Variants in PPP4R3B observed in about 807,000 individuals in gnomAD.
PPP4R3B encodes the protein protein phosphatase 4 regulatory subunit 3B.
PPP4R3B carries 52 observed loss-of-function variants against 95.4 expected under a neutral mutation model. The observed-to-expected ratio is 0.54, with a 90% CI of 0.44 to 0.69. PPP4R3B has a LOEUF of 0.69. Among genes scored for constraint, PPP4R3B ranks in the 30% least tolerant of loss-of-function variants. The pLI, the probability that PPP4R3B is intolerant of heterozygous loss-of-function variation, is 0.00. For synonymous variants in PPP4R3B, 407 were observed against 343.9 expected (o/e 1.18, Z -2.03); for missense variants, 1,003 against 1,005.9 (o/e 1.00, Z 0.04).
intron 2 of PPP4R3B, among the ~76,000 whole-genome samples, chr2:55,609,457 G>C (rs1217570487): frequency 6.6e-6 from 1 of 152,056 alleles, no homozygotes; most frequent in African/African-American, 2.4e-5. Context: ...CAAGATAGGT[G>C]GGCTGCTTGA....
chr2:55,573,885 CCTTTTT>C, intron 11 of PPP4R3B, 108 bp from the exon 12 acceptor site: 1 of 479,472 alleles, frequency 2.1e-6, no homozygotes, highest in East Asian at 4.8e-5. Context: ...TGTATTTCCT[CCTTTTT>C]TTTTTTTTTT....
chr2:55,608,466 C>A (rs1693716940), intron 2 of PPP4R3B, among the ~76,000 whole-genome samples: 1 of 152,244 alleles, frequency 6.6e-6, no homozygotes, highest in Non-Finnish European at 1.5e-5. Flanking sequence ...ACTGATCCAT[C>A]ACATGCCCTG....
chr2:55,598,348 C>A (rs1417097000), intron 4 of PPP4R3B, 68 bp downstream of exon 4: 1 of 1,489,302 alleles, frequency 6.7e-7, no homozygotes, highest in Non-Finnish European at 9.1e-7. Flanking sequence ...GGTATAAACA[C>A]CTGCTTGAAC....
At chr2:55,554,118 G>A (rs1685558445) in intron 16 of PPP4R3B, among the ~76,000 whole-genome samples, 1 of 152,188 alleles carries the variant, frequency 6.6e-6, no homozygotes, top group African/African-American at 2.4e-5. Flanking sequence ...ACTCGAAAGT[G>A]CAGTGATGTG....
intron 16 of PPP4R3B, among the ~76,000 whole-genome samples, chr2:55,554,797 A>G (rs1443842889): frequency 1.3e-5 from 2 of 152,338 alleles, no homozygotes; most frequent in African/African-American, 2.4e-5. Flanking sequence ...TATTTGTGTC[A>G]TATCTAAGAA....
At chr2:55,550,592 A>G (rs973536148) in intron 16 of PPP4R3B, among the ~76,000 whole-genome samples, 2 of 152,206 alleles carry the variant, frequency 1.3e-5, no homozygotes, top group Admixed American at 6.5e-5. Flanking sequence ...GATGAGTAAC[A>G]GACCTCTGTG....
intron 4 of PPP4R3B, among the ~76,000 whole-genome samples, chr2:55,598,176 C>A (rs7589537): frequency 6.6e-6 from 1 of 152,068 alleles, no homozygotes; most frequent in Non-Finnish European, 1.5e-5. Flanking sequence ...GCTGAGATTG[C>A]GCCACTGCAT....
At chr2:55,586,801 C>T in intron 5 of PPP4R3B, 67 bp from the exon 6 acceptor site, 1 of 920,346 alleles carries the variant, frequency 1.1e-6, no homozygotes, top group Non-Finnish European at 1.7e-6. Flanking sequence ...TAGTAATCAT[C>T]TACCATGGTG....
intron 16 of PPP4R3B, among the ~76,000 whole-genome samples, chr2:55,550,883 AAC>A (rs1296358468): frequency 6.6e-6 from 1 of 152,176 alleles, no homozygotes; most frequent in Non-Finnish European, 1.5e-5. Context: ...GGCAGCTAGA[AAC>A]AGTTATCAGA....
intron 4 of PPP4R3B, among the ~76,000 whole-genome samples, chr2:55,595,623 C>T (rs1574853150): frequency 6.6e-6 from 1 of 151,500 alleles, no homozygotes; most frequent in African/African-American, 2.4e-5. Flanking sequence ...AAAAGAGTAG[C>T]CCCTTTTACA....
At chr2:55,568,557 G>A (rs1363948618) in intron 12 of PPP4R3B, among the ~76,000 whole-genome samples, 194 bp from the exon 13 acceptor site, 1 of 152,140 alleles carries the variant, frequency 6.6e-6, no homozygotes, top group African/African-American at 2.4e-5. Flanking sequence ...GGAAAATAGA[G>A]CTGCAGAGGA....
In PPP4R3B at chr2:55,549,441, T is replaced by C. The variant is rs1296165069; in HGVS notation, c.*470A>G. ...TCATTTTTTTAATGATAGTTGAATG[T>C]GTTTTCCATAAAAATTTCTTTTAAA... On this transcript the variant is annotated 3_prime_UTR_variant, in exon 17 of 17. Transcript: ENST00000616407. 1.3e-5 allele frequency: 2 copies of C among 153,350 alleles called. No individual in the cohort carries two copies. The highest frequency in any genetic ancestry group is 3.8e-4 in the East Asian group (2 of 5,214). 9.5% of individuals were successfully genotyped at this position (153,350 alleles called of 1,614,324 possible).
intron 4 of PPP4R3B, among the ~76,000 whole-genome samples, 189 bp downstream of exon 4, chr2:55,598,223 AAAAT>A (rs928408676): frequency 9.8e-5 from 15 of 152,324 alleles, no homozygotes; most frequent in African/African-American, 3.6e-4. Flanking sequence ...CCGACTCAAA[AAAAT>A]AAATAAAAGG....
At chr2:55,600,640 A>C (rs892241108) in intron 3 of PPP4R3B, among the ~76,000 whole-genome samples, 1 of 152,094 alleles carries the variant, frequency 6.6e-6, no homozygotes, top group Non-Finnish European at 1.5e-5. Flanking sequence ...ACATGCACAG[A>C]TTTTAAGAAG....
At chr2:55,559,543 G>A (rs1220879731) in intron 15 of PPP4R3B, among the ~76,000 whole-genome samples, 1 of 152,052 alleles carries the variant, frequency 6.6e-6, no homozygotes, top group Non-Finnish European at 1.5e-5. Context: ...CATGGGGGTG[G>A]ATTTCGCCCT....
rs1038056940 is a variant in PPP4R3B at position 55,549,216 on chromosome 2, C to T, written c.*695G>A. The T allele has an allele frequency of 1.3e-5, 2 of 152,376 alleles. No homozygotes were observed. Among genetic ancestry groups the T allele is most frequent in the Admixed American group, 6.5e-5 (1 of 15,280 alleles). 9.4% of individuals were successfully genotyped at this position (152,376 alleles called of 1,614,324 possible). ...TACTACTGTACTGATTCTTGGCCTT[C>T]GTTGTCTCTAAAAGTGCTGATTTTA... On this transcript the variant is annotated 3_prime_UTR_variant, in exon 17 of 17. Coordinates refer to ENST00000616407, the MANE Select transcript of PPP4R3B (RefSeq NM_001122964.3).
intron 2 of PPP4R3B, among the ~76,000 whole-genome samples, chr2:55,607,498 T>A (rs1291642310): frequency 1.3e-5 from 2 of 152,118 alleles, no homozygotes; most frequent in African/African-American, 4.8e-5. Flanking sequence ...TTTATTATAA[T>A]ATAAAGGATA....
intron 3 of PPP4R3B, among the ~76,000 whole-genome samples, chr2:55,602,267 C>T (rs1317831525): frequency 6.6e-6 from 1 of 152,154 alleles, no homozygotes; most frequent in Non-Finnish European, 1.5e-5. Flanking sequence ...TGATATAAAT[C>T]CTACGCTAAA....
intron 3 of PPP4R3B, among the ~76,000 whole-genome samples, chr2:55,600,892 C>T (rs1047722648): frequency 6.6e-6 from 1 of 152,158 alleles, no homozygotes; most frequent in South Asian, 2.1e-4. Context: ...GGCGCTGTGG[C>T]TCATGCCTGT....
Sources: gnomAD v4.1 joint callset for allele counts (sites outside exome capture counted in the v4.1 genomes callset) on GRCh38, gnomAD v4.1.1 for gene constraint, MANE v1.5 for transcripts, NCBI Gene and HGNC (gene_info 2026-07-23, HGNC 2026-07-21) for gene names.